The following SBF2 variants were observed in gnomAD, a reference collection of about 807,000 sequenced individuals.
SBF2 encodes SET binding factor 2.
A neutral mutation model predicts 225.2 loss-of-function variants in SBF2; 112 were observed. The observed-to-expected ratio is 0.50, with a 90% confidence interval of 0.43 to 0.58. The LOEUF is 0.58. SBF2 is among the 20% of genes least tolerant of loss of function. The probability of loss-of-function intolerance (pLI) is 0.00; values close to 1 mark genes in which losing one functional copy is unlikely to be tolerated. For synonymous variants in SBF2, 763 were observed against 773.3 expected (o/e 0.99, Z 0.22); for missense variants, 1,996 against 2,206.2 (o/e 0.90, Z 1.91).
intron 1 of SBF2, among the ~76,000 whole-genome samples, chr11:10,265,671 C>G (rs1156267141): frequency 6.6e-6 from 1 of 152,012 alleles, no homozygotes; most frequent in Non-Finnish European, 1.5e-5. Flanking sequence ...CATATATGCA[C>G]CTATGTAAAT....
intron 2 of SBF2, among the ~76,000 whole-genome samples, chr11:10,130,386 A>C (rs1591025138): frequency 6.6e-6 from 1 of 151,982 alleles, no homozygotes; most frequent in East Asian, 1.9e-4. Context: ...AATTCAGTAG[A>C]TTTCTTAACA....
chr11:9,981,564 T>A (rs553306534), intron 13 of SBF2, among the ~76,000 whole-genome samples: 1 of 152,212 alleles, frequency 6.6e-6, no homozygotes, highest in Non-Finnish European at 1.5e-5. Flanking sequence ...CACCATCTTA[T>A]TAGTAAGATT....
intron 1 of SBF2, among the ~76,000 whole-genome samples, chr11:10,286,791 TGA>T (rs1448152875): frequency 6.6e-6 from 1 of 152,202 alleles, no homozygotes; most frequent in African/African-American, 2.4e-5. Flanking sequence ...AAAGAATAAC[TGA>T]AACTCTCATA....
At chr11:9,917,486 C>A (rs61876937) in intron 16 of SBF2, among the ~76,000 whole-genome samples, 30,748 of 151,294 alleles carry the variant, frequency 0.2, 4,074 homozygotes, top group Non-Finnish European at 0.3. Flanking sequence ...CACACACCAC[C>A]AGGCCCAGCT....
intron 16 of SBF2, among the ~76,000 whole-genome samples, chr11:9,910,988 G>A (rs932431318): frequency 1.3e-4 from 19 of 151,724 alleles, no homozygotes; most frequent in African/African-American, 3.9e-4. Context: ...GAACCTGGGA[G>A]GAAGAGGTTG....
intron 26 of SBF2, among the ~76,000 whole-genome samples, chr11:9,835,329 C>T (rs1441377395): frequency 2.0e-5 from 3 of 151,866 alleles, no homozygotes; most frequent in African/African-American, 7.3e-5. Context: ...TAAAGATTAC[C>T]ACTATCCTGC....
chr11:10,153,976 T>A (rs1176636108), intron 2 of SBF2, among the ~76,000 whole-genome samples: 1 of 152,070 alleles, frequency 6.6e-6, no homozygotes, highest in Admixed American at 6.5e-5. Context: ...GTTGTCCATA[T>A]ATGTATGGGT....
At chr11:10,259,641 T>C (rs1313864191) in intron 1 of SBF2, among the ~76,000 whole-genome samples, 1 of 152,186 alleles carries the variant, frequency 6.6e-6, no homozygotes, top group Non-Finnish European at 1.5e-5. Context: ...GAAAATATGT[T>C]TGATCTTAAC....
chr11:10,121,857 C>A (rs531192651), intron 2 of SBF2, among the ~76,000 whole-genome samples: 6 of 152,316 alleles, frequency 3.9e-5, no homozygotes, highest in Admixed American at 3.9e-4. Flanking sequence ...TCCATCCAGC[C>A]TCGGACAGAA....
chr11:9,910,890 CAAA>C (rs68011518), intron 16 of SBF2, among the ~76,000 whole-genome samples: 2 of 93,602 alleles, frequency 2.1e-5, no homozygotes, highest in African/African-American at 4.4e-5. Flanking sequence ...TACTAAAATA[CAAA>C]AAAAAAAAAA....
At chr11:9,812,389 C>T (rs1802831915) in intron 30 of SBF2, 143 bp downstream of exon 30, 1 of 843,910 alleles carries the variant, frequency 1.2e-6, no homozygotes, top group African/African-American at 1.7e-5. Context: ...GTCTGAAAGG[C>T]CTTTACTGAT....
chr11:10,252,816 G>T (rs1960498021), intron 1 of SBF2, among the ~76,000 whole-genome samples: 1 of 132,670 alleles, frequency 7.5e-6, no homozygotes. Flanking sequence ...GCGAGACTCT[G>T]TCTCAAAAAA....
intron 1 of SBF2, among the ~76,000 whole-genome samples, chr11:10,233,704 G>A (rs1480346989): frequency 6.6e-6 from 1 of 152,094 alleles, no homozygotes; most frequent in African/African-American, 2.4e-5. Context: ...CTCAGCTGCA[G>A]GGAGGGTAAT....
intron 1 of SBF2, among the ~76,000 whole-genome samples, chr11:10,280,181 G>GAGTATTTCAA (rs1963308600): frequency 6.6e-6 from 1 of 152,150 alleles, no homozygotes; most frequent in Non-Finnish European, 1.5e-5. Context: ...GAGTATTTCA[G>GAGTATTTCAA]ATTTTCAGAT....
At chr11:10,291,082 G>A (rs1329070558) in intron 1 of SBF2, among the ~76,000 whole-genome samples, 1 of 152,226 alleles carries the variant, frequency 6.6e-6, no homozygotes, top group East Asian at 1.9e-4. Context: ...AAGCCAGCTT[G>A]TACAACTCTC....
chr11:9,984,686 AC>A (rs1400873251), intron 13 of SBF2, among the ~76,000 whole-genome samples: 2 of 152,212 alleles, frequency 1.3e-5, no homozygotes, highest in African/African-American at 4.8e-5. Flanking sequence ...GACAGAAGCA[AC>A]AGGTAACCTA....
At chr11:9,969,548 CTTGT>C (rs1867191159) in intron 13 of SBF2, among the ~76,000 whole-genome samples, 1 of 152,190 alleles carries the variant, frequency 6.6e-6, no homozygotes, top group African/African-American at 2.4e-5. Context: ...CACAGAACTT[CTTGT>C]TCCTGACTCA....
At position 9,785,183 on chromosome 11, in the gene SBF2, C is replaced by G; in HGVS notation, c.5173G>C (p.Val1725Leu). Residue 1725 changes from valine (V) to leucine (L), a missense_variant, in exon 37 of 40, where the codon GTG becomes CTG. Physicochemically the swap from Val to Leu is conservative, Grantham distance 32. Transcript: ENST00000256190. Reference protein sequence around the residue: ...QNSSISPSNGVERRAATLYSQ... With the variant: ...QNSSISPSNGLERRAATLYSQ... Reference sequence around the variant, plus strand: ...TAGAGCGTGGCTGCTCTTCGCTCCACTCCATTGGATGGGGAGATGCTGGAA... The same window carrying G: ...TAGAGCGTGGCTGCTCTTCGCTCCAGTCCATTGGATGGGGAGATGCTGGAA... 6.2e-7 allele frequency: 1 copy of G among 1,614,090 alleles called. No homozygotes were observed. Among genetic ancestry groups the G allele is most frequent in the Non-Finnish European group, 8.5e-7 (1 of 1,180,034 alleles).
chr11:9,828,943 C>T (rs1855221009), intron 28 of SBF2, among the ~76,000 whole-genome samples: 1 of 149,076 alleles, frequency 6.7e-6, no homozygotes, highest in Non-Finnish European at 1.5e-5. Context: ...TAAAGGGTGA[C>T]TTTATTTATA....
Sources: gnomAD v4.1 joint callset for allele counts (sites outside exome capture counted in the v4.1 genomes callset) on GRCh38, gnomAD v4.1.1 for gene constraint, MANE v1.5 for transcripts, NCBI Gene and HGNC (gene_info 2026-07-23, HGNC 2026-07-21) for gene names.